The following SLC6A20 variants were observed in gnomAD, a reference collection of about 807,000 sequenced individuals.
SLC6A20 encodes the protein sodium- and chloride-dependent transporter XTRP3.
In SLC6A20, 73 loss-of-function variants were observed where a neutral mutation model predicts 64.3. The ratio of observed to expected loss-of-function variants is 1.14; its 90% CI spans 0.94 to 1.38. The LOEUF is 1.38. SLC6A20 is among the 40% of genes most tolerant of loss of function. The pLI, the probability that SLC6A20 is intolerant of heterozygous loss-of-function variation, is 0.00. For synonymous variants in SLC6A20, 347 were observed against 329.6 expected (o/e 1.05, Z -0.57); for missense variants, 725 against 772.8 (o/e 0.94, Z 0.73).
At position 45,765,439 on chromosome 3, in the gene SLC6A20, C is replaced by A; in HGVS notation, c.1303+98G>T. The A allele has an allele frequency of 7.2e-7, 1 of 1,397,298 alleles. No homozygotes were observed. Among genetic ancestry groups the A allele is most frequent in the Non-Finnish European group, 9.7e-7 (1 of 1,027,796 alleles). 86.6% of individuals were successfully genotyped at this position (1,397,298 alleles called of 1,614,324 possible). A position where few individuals can be genotyped will look rare whatever the true frequency, so the allele number is the denominator to read the frequency against. On this transcript the variant is annotated intron_variant, in intron 8 of 10. Transcript: ENST00000358525. The surrounding 1 kb of genome is among the most constrained non-coding windows in gnomAD (Gnocchi z 4.2). ...GGTGGCTGCAACCCCCTGTAGCCACCTGAACCAGCCCATGACCCCTGAGGG... is the reference window on the plus strand; with the variant it reads ...GGTGGCTGCAACCCCCTGTAGCCACATGAACCAGCCCATGACCCCTGAGGG...
chr3:45,783,412 G>A (rs975248102), intron 1 of SLC6A20, among the ~76,000 whole-genome samples: 1 of 152,182 alleles, frequency 6.6e-6, no homozygotes. Context: ...TTGTACACAC[G>A]TGCTGTGCTG....
chr3:45,763,206 G>A, intron 8 of SLC6A20, 134 bp from the exon 9 acceptor site: 2 of 1,337,366 alleles, frequency 1.5e-6, no homozygotes, highest in Non-Finnish European at 2.0e-6. Context: ...GGTTGAAAGA[G>A]CTGTCATGGT....
At chr3:45,789,197 A>G (rs1398960298) in intron 1 of SLC6A20, among the ~76,000 whole-genome samples, 2 of 152,182 alleles carry the variant, frequency 1.3e-5, no homozygotes, top group Non-Finnish European at 2.9e-5. Context: ...GAAAATAAGT[A>G]TACTTTCCCC....
intron 3 of SLC6A20, among the ~76,000 whole-genome samples, chr3:45,778,761 C>T (rs1700018578): frequency 6.6e-6 from 1 of 152,182 alleles, no homozygotes; most frequent in Non-Finnish European, 1.5e-5. Flanking sequence ...GGACAGGAAA[C>T]AGTCACCAGG....
chr3:45,785,489 T>C (rs916654534), intron 1 of SLC6A20, among the ~76,000 whole-genome samples: 2 of 152,204 alleles, frequency 1.3e-5, no homozygotes, highest in African/African-American at 4.8e-5. Context: ...CTTCCTGCCG[T>C]TGAACATCGG....
chr3:45,768,600 C>T (rs1197119993), intron 7 of SLC6A20, among the ~76,000 whole-genome samples: 1 of 152,154 alleles, frequency 6.6e-6, no homozygotes, highest in African/African-American at 2.4e-5. Flanking sequence ...AGGCCAATAA[C>T]AGGCATGGAG....
chr3:45,775,503 A>G (rs950190989), intron 4 of SLC6A20, among the ~76,000 whole-genome samples: 1 of 151,212 alleles, frequency 6.6e-6, no homozygotes, highest in African/African-American at 2.4e-5. Flanking sequence ...CTACAGAAAA[A>G]CTTTTTTTTT....
chr3:45,788,028 C>G (rs1700197493), intron 1 of SLC6A20, among the ~76,000 whole-genome samples: 1 of 152,132 alleles, frequency 6.6e-6, no homozygotes, highest in Non-Finnish European at 1.5e-5. Flanking sequence ...TCACTGCAGC[C>G]TCGACCTCCC....
Position 45,756,768 on chromosome 3 carries a change from A to C in SLC6A20, c.*2210T>G, listed in dbSNP as rs565816430. The C allele has an allele frequency of 4.6e-5, 7 of 152,310 alleles. No individual in the cohort carries two copies. In the South Asian group the frequency reaches 1.5e-3, roughly 32 times the overall value. 9.4% of individuals were successfully genotyped at this position (152,310 alleles called of 1,614,324 possible). On this transcript the variant is annotated 3_prime_UTR_variant, in exon 11 of 11. Coordinates refer to ENST00000358525, the MANE Select transcript of SLC6A20 (RefSeq NM_020208.4). ...TAGGGGTAACGACCTACTTTATTGC[A>C]GTTAAAAAAAGAAAAATTTTTTTGA...
At chr3:45,777,176 C>T (rs1699982418) in intron 3 of SLC6A20, among the ~76,000 whole-genome samples, 1 of 152,144 alleles carries the variant, frequency 6.6e-6, no homozygotes, top group African/African-American at 2.4e-5. Context: ...GGGCTCAATC[C>T]CATATTTCAC....
chr3:45,779,685 C>G (rs1005805786), intron 3 of SLC6A20, among the ~76,000 whole-genome samples: 11 of 152,230 alleles, frequency 7.2e-5, no homozygotes, highest in Non-Finnish European at 1.3e-4. Flanking sequence ...CCTAGGCACA[C>G]TGTGCAGTAG....
At chr3:45,793,973 A>G (rs1029608499) in intron 1 of SLC6A20, among the ~76,000 whole-genome samples, 1 of 152,156 alleles carries the variant, frequency 6.6e-6, no homozygotes, top group Non-Finnish European at 1.5e-5. Flanking sequence ...TCACTCAACA[A>G]ATATTTATTG....
chr3:45,764,967 C>T (rs915281218), intron 8 of SLC6A20, among the ~76,000 whole-genome samples: 1 of 151,852 alleles, frequency 6.6e-6, no homozygotes, highest in Non-Finnish European at 1.5e-5. Context: ...AATCCCAGCA[C>T]TTTCGGAGGC....
At chr3:45,777,659 G>C (rs1485115489) in intron 3 of SLC6A20, among the ~76,000 whole-genome samples, 1 of 152,340 alleles carries the variant, frequency 6.6e-6, no homozygotes, top group East Asian at 1.9e-4. Flanking sequence ...GAGGCACGTG[G>C]AGGGAACTGA....
In SLC6A20 at chr3:45,758,400, G is replaced by C; in HGVS notation, c.*578C>G. Reference sequence around the variant, plus strand: ...CCACCGTCAGAGACCTTAGAGAAAGGATCCCTTTGGGGGTCCCAGACAAAG... The same window carrying C: ...CCACCGTCAGAGACCTTAGAGAAAGCATCCCTTTGGGGGTCCCAGACAAAG... On this transcript the variant is annotated 3_prime_UTR_variant, in exon 11 of 11. Transcript: ENST00000358525. 1 of 1,273,804 alleles carries C rather than the reference G, an allele frequency of 7.9e-7. No homozygotes were observed. Among genetic ancestry groups the C allele is most frequent in the Non-Finnish European group, 1.0e-6 (1 of 980,834 alleles). 78.9% of individuals were successfully genotyped at this position (1,273,804 alleles called of 1,614,324 possible). A position where few individuals can be genotyped will look rare whatever the true frequency, so the allele number is the denominator to read the frequency against.
chr3:45,789,239 T>C (rs1700211058), intron 1 of SLC6A20, among the ~76,000 whole-genome samples: 2 of 152,044 alleles, frequency 1.3e-5, no homozygotes, highest in African/African-American at 4.8e-5. Flanking sequence ...ATAGAAAAAA[T>C]AGGAATTATA....
At chr3:45,780,126 G>T (rs1372740588) in intron 2 of SLC6A20, 26 bp from the exon 3 acceptor site, 1 of 1,559,872 alleles carries the variant, frequency 6.4e-7, no homozygotes, top group South Asian at 1.2e-5. Context: ...GGGCCGCGCT[G>T]AGGACTGAGG....
At chr3:45,782,427 A>G (rs752292443) in intron 1 of SLC6A20, among the ~76,000 whole-genome samples, 1 of 150,446 alleles carries the variant, frequency 6.6e-6, no homozygotes, top group African/African-American at 2.5e-5. Context: ...TCTTGCTGCC[A>G]TTCCTCTCAT....
intron 1 of SLC6A20, among the ~76,000 whole-genome samples, chr3:45,788,255 C>CAA (rs11294282): frequency 3.8e-4 from 51 of 134,592 alleles, no homozygotes; most frequent in African/African-American, 1.1e-3. Context: ...ACCCTGTTTC[C>CAA]AAAAAAAAAA....
Sources: allele counts gnomAD v4.1 joint callset (sites outside exome capture counted in the v4.1 genomes callset), GRCh38; gene constraint gnomAD v4.1.1; non-coding constraint Gnocchi (gnomAD v3.1); transcripts MANE v1.5; gene names NCBI Gene and HGNC (gene_info 2026-07-23, HGNC 2026-07-21).